The following EYS variants were observed in gnomAD, a reference collection of about 807,000 sequenced individuals.
EYS encodes the protein protein eyes shut homolog.
A neutral mutation model predicts 282.1 loss-of-function variants in EYS; 250 were observed. The ratio of observed to expected loss-of-function variants is 0.89; its 90% confidence interval spans 0.80 to 0.98. The LOEUF (loss-of-function observed/expected upper bound fraction) is 0.98, where lower values mean the gene tolerates loss of function less well. Among genes scored for constraint, EYS ranks in the 50% least tolerant of loss-of-function variants. EYS has a pLI of 0.00. For missense variants in EYS, 4,016 were observed against 3,709.0 expected, an observed-to-expected ratio of 1.08 and a Z score of -2.15; for synonymous variants, 1,355 against 1,282.9, an observed-to-expected ratio of 1.06 and a Z score of -1.20.
chr6:65,374,710 G>A (rs1007017962), intron 8 of EYS, among the ~76,000 whole-genome samples: 1 of 152,048 alleles, frequency 6.6e-6, no homozygotes, highest in African/African-American at 2.4e-5. Context: ...ATCAAACTTG[G>A]TGGGGATGGG....
chr6:64,796,470 A>AT (rs1226151551), intron 22 of EYS, among the ~76,000 whole-genome samples: 13 of 152,136 alleles, frequency 8.5e-5, no homozygotes, highest in African/African-American at 2.9e-4. Flanking sequence ...GGAGTTAGAG[A>AT]TTTAGTAGGG....
rs75904340 is a variant in EYS, at chr6:64,481,986, C to T, written c.5645-42634G>A. On this transcript the variant is annotated intron_variant, in intron 26 of 42. Coordinates refer to ENST00000503581, the MANE Select transcript of EYS (RefSeq NM_001142800.2). Reference sequence around the variant, plus strand: ...AAAAGTAAGTTAATGCATATATTCACCTGGGACAACGGAGGTGAGGTGAGC... The same window carrying T: ...AAAAGTAAGTTAATGCATATATTCATCTGGGACAACGGAGGTGAGGTGAGC... Among the ~76,000 whole-genome samples the T allele has an allele frequency of 8.9e-3, 1,357 of 151,686 alleles. 9 individuals carry two copies. The highest frequency in any genetic ancestry group is 0.015 in the Non-Finnish European group (989 of 67,732).
At chr6:65,216,384 T>C (rs1766315469) in intron 12 of EYS, among the ~76,000 whole-genome samples, 1 of 152,010 alleles carries the variant, frequency 6.6e-6, no homozygotes, top group African/African-American at 2.4e-5. Flanking sequence ...CATTGTATCA[T>C]GAAATATGAA....
intron 1 of EYS, among the ~76,000 whole-genome samples, chr6:65,667,394 C>CT: frequency 6.6e-6 from 1 of 151,928 alleles, no homozygotes; most frequent in South Asian, 2.1e-4. Flanking sequence ...TCACCCATAA[C>CT]TTTCTATTTC....
At chr6:65,588,760 G>A (rs1383901497) in intron 2 of EYS, among the ~76,000 whole-genome samples, 1 of 151,928 alleles carries the variant, frequency 6.6e-6, no homozygotes, top group East Asian at 1.9e-4. Flanking sequence ...TCATAACTAC[G>A]TGTCTCTTGC....
chr6:64,599,814 C>T (rs1766706465), intron 24 of EYS, among the ~76,000 whole-genome samples: 2 of 152,102 alleles, frequency 1.3e-5, no homozygotes, highest in African/African-American at 2.4e-5. Context: ...ATATATGAAA[C>T]ATCGTCAAGA....
At chr6:65,377,558 A>C (rs1047163053) in intron 8 of EYS, among the ~76,000 whole-genome samples, 2 of 152,052 alleles carry the variant, frequency 1.3e-5, no homozygotes, top group Non-Finnish European at 2.9e-5. Context: ...GGCATGAAAA[A>C]CCCTTCAAAA....
intron 26 of EYS, among the ~76,000 whole-genome samples, chr6:64,524,402 G>C (rs1350349892): frequency 2.0e-5 from 3 of 151,762 alleles, no homozygotes; most frequent in African/African-American, 4.8e-5. Flanking sequence ...GGCATAGTTT[G>C]CAAATATTTT....
At chr6:64,950,020 C>CTAT (rs1208141515) in intron 14 of EYS, among the ~76,000 whole-genome samples, 1 of 151,866 alleles carries the variant, frequency 6.6e-6, no homozygotes, top group Middle Eastern at 3.2e-3. Context: ...TGGCTCAAAC[C>CTAT]TATTCATCAA....
rs192224809 is a variant in EYS at position 64,986,553 on chromosome 6, T to A, written c.2259+11029A>T. Among the ~76,000 whole-genome samples, 281 of 151,210 alleles carry A rather than the reference T, an allele frequency of 1.9e-3. 2 individuals are homozygous for A. The highest frequency in any genetic ancestry group is 6.7e-3 in the African/African-American group (277 of 41,408). Reference sequence around the variant, plus strand: ...TGTTTCCTGCAATGTTTCCCAGATATCTACACAAAAATTATAATAATACTT... The same window carrying A: ...TGTTTCCTGCAATGTTTCCCAGATAACTACACAAAAATTATAATAATACTT... On this transcript the variant is annotated intron_variant, in intron 14 of 42. Transcript: ENST00000503581.
intron 36 of EYS, among the ~76,000 whole-genome samples, chr6:63,835,538 G>T (rs994727135): frequency 3.9e-5 from 6 of 152,034 alleles, no homozygotes; most frequent in Non-Finnish European, 4.4e-5. Flanking sequence ...TTATGAAGAT[G>T]CAAAGGGATA....
intron 22 of EYS, among the ~76,000 whole-genome samples, chr6:64,676,140 T>C (rs1305220785): frequency 6.8e-6 from 1 of 146,444 alleles, no homozygotes; most frequent in Non-Finnish European, 1.5e-5. Context: ...AAGACTTTCA[T>C]ATTATTATTC....
intron 8 of EYS, among the ~76,000 whole-genome samples, chr6:65,371,613 G>T (rs1318183470): frequency 1.3e-5 from 2 of 151,658 alleles, no homozygotes; most frequent in Non-Finnish European, 2.9e-5. Context: ...ACCAGGAGAA[G>T]TATGATAATA....
intron 9 of EYS, among the ~76,000 whole-genome samples, chr6:65,346,156 T>A (rs1016925632): frequency 1.3e-5 from 2 of 151,818 alleles, no homozygotes; most frequent in African/African-American, 4.8e-5. Flanking sequence ...GTTGCCATCC[T>A]GCAACCCTGT....
intron 4 of EYS, 52 bp downstream of exon 4, chr6:65,494,611 A>C: frequency 6.9e-7 from 1 of 1,447,190 alleles, no homozygotes; most frequent in Non-Finnish European, 9.4e-7. Flanking sequence ...CAGTTTATAA[A>C]TGCACTGTGT....
intron 5 of EYS, among the ~76,000 whole-genome samples, chr6:65,474,386 G>C (rs139797421): frequency 1.3e-5 from 2 of 151,998 alleles, no homozygotes; most frequent in African/African-American, 4.8e-5. Context: ...AACCAAAATT[G>C]GTCTTACAGA....
intron 2 of EYS, among the ~76,000 whole-genome samples, chr6:65,534,595 T>A (rs914192964): frequency 6.6e-6 from 1 of 152,026 alleles, no homozygotes; most frequent in Non-Finnish European, 1.5e-5. Flanking sequence ...TTCCTTAATT[T>A]TTGCGTCTGC....
At chr6:64,630,642 C>G (rs933581843) in intron 22 of EYS, among the ~76,000 whole-genome samples, 2 of 152,152 alleles carry the variant, frequency 1.3e-5, no homozygotes, top group African/African-American at 4.8e-5. Flanking sequence ...CTGGAATGAA[C>G]TCCACTTGCT....
chr6:64,268,817 T>C (rs527256277), intron 30 of EYS, among the ~76,000 whole-genome samples: 2 of 152,222 alleles, frequency 1.3e-5, no homozygotes, highest in Admixed American at 1.3e-4. Flanking sequence ...CAATCCCACC[T>C]GAGGAGGTTG....
Sources: gnomAD v4.1 joint callset for allele counts (sites outside exome capture counted in the v4.1 genomes callset) on GRCh38, gnomAD v4.1.1 for gene constraint, MANE v1.5 for transcripts, NCBI Gene and HGNC (gene_info 2026-07-23, HGNC 2026-07-21) for gene names.